CRISPLD2: variants seen among roughly 807,000 people sequenced by gnomAD.
The protein encoded by CRISPLD2 is cysteine rich secretory protein LCCL domain containing 2.
CRISPLD2 carries 47 observed loss-of-function variants against 71.1 expected under a neutral mutation model. The observed-to-expected ratio is 0.66, with a 90% CI of 0.52 to 0.84. The LOEUF is 0.84. Among genes scored for constraint, CRISPLD2 ranks in the 40% least tolerant of loss-of-function variants. The pLI is 0.00. For synonymous variants in CRISPLD2, 317 were observed against 250.1 expected, an observed-to-expected ratio of 1.27 and a Z score of -2.52; for missense variants, 830 against 651.1, an observed-to-expected ratio of 1.27 and a Z score of -2.99.
At chr16:84,854,235 C>T (rs1469254623) in intron 5 of CRISPLD2, among the ~76,000 whole-genome samples, 3 of 152,228 alleles carry the variant, frequency 2.0e-5, no homozygotes, top group African/African-American at 7.2e-5. Context: ...CAGCTCTTCC[C>T]TCCTGGGGTG....
At position 84,850,654 on chromosome 16, in the gene CRISPLD2, G is replaced by C. The variant is rs373699416; in HGVS notation, c.579G>C (p.Ala193=). 1 of 1,614,072 alleles carries C rather than the reference G, an allele frequency of 6.2e-7. No individual in the cohort carries two copies. The highest frequency in any genetic ancestry group is 1.3e-5 in the African/African-American group (1 of 75,020). ...TCTGGGGAGAAGTTTGGGAGAACGC[G>C]GTCTACTTTGTCTGCAATTATTCTC... The part of the protein sequence containing the change: ...MTVWGEVWEN[A]VYFVCNYSPK... Residue 193 remains alanine, a synonymous_variant, in exon 5 of 15, where the codon GCG becomes GCC. Coordinates refer to ENST00000262424, the MANE Select transcript of CRISPLD2 (RefSeq NM_031476.4).
At chr16:84,847,067 G>A (rs1391112383) in intron 3 of CRISPLD2, among the ~76,000 whole-genome samples, 2 of 152,208 alleles carry the variant, frequency 1.3e-5, no homozygotes, top group Non-Finnish European at 2.9e-5. Context: ...CAGAATTCAC[G>A]TCCTCAGACC....
intron 1 of CRISPLD2, among the ~76,000 whole-genome samples, chr16:84,827,663 T>C (rs1916387853): frequency 1.3e-5 from 2 of 151,788 alleles, no homozygotes; most frequent in African/African-American, 4.8e-5. Context: ...ACCTCCCGGA[T>C]TCAAGCGATT....
chr16:84,877,810 A>G (rs1231066877), intron 12 of CRISPLD2, among the ~76,000 whole-genome samples: 1 of 152,138 alleles, frequency 6.6e-6, no homozygotes, highest in African/African-American at 2.4e-5. Context: ...AGATCACGCC[A>G]TTGTCCTCCA....
intron 14 of CRISPLD2, among the ~76,000 whole-genome samples, chr16:84,898,365 C>G (rs888429310): frequency 1.3e-5 from 2 of 152,162 alleles, no homozygotes; most frequent in Admixed American, 6.5e-5. Flanking sequence ...CGGCCCCTGC[C>G]CGCTCCCCCA....
chr16:84,878,531 A>G (rs988493843), intron 12 of CRISPLD2, among the ~76,000 whole-genome samples: 1 of 152,208 alleles, frequency 6.6e-6, no homozygotes, highest in Admixed American at 6.5e-5. Context: ...TCAAATCCTC[A>G]TGCAGCATTC....
intron 10 of CRISPLD2, chr16:84,873,477 C>CAA (rs1188564241): frequency 1.8e-4 from 4 of 22,722 alleles, no homozygotes; most frequent in African/African-American, 2.6e-4. Flanking sequence ...AACTCCGTCT[C>CAA]AAAAAAAAAA....
chr16:84,868,808 C>T, intron 7 of CRISPLD2, 43 bp from the exon 8 acceptor site: 3 of 1,542,474 alleles, frequency 1.9e-6, no homozygotes, highest in Non-Finnish European at 1.8e-6. Flanking sequence ...TCTCACCCTC[C>T]TGGTTTCGTG....
intron 5 of CRISPLD2, 88 bp downstream of exon 5, chr16:84,850,771 C>A (rs949157896): frequency 1.0e-6 from 1 of 990,288 alleles, no homozygotes; most frequent in Non-Finnish European, 1.6e-6. Context: ...GCTTGAGCAG[C>A]GAAGTCTTTA....
chr16:84,828,527 C>T (rs1290184216), intron 1 of CRISPLD2, among the ~76,000 whole-genome samples: 1 of 152,138 alleles, frequency 6.6e-6, no homozygotes, highest in Non-Finnish European at 1.5e-5. Context: ...ATTCCTTTCC[C>T]TTCGGAGAGG....
chr16:84,849,589 A>ATTG (rs71384840), intron 4 of CRISPLD2, 72 bp downstream of exon 4: 1,090,162 of 1,513,112 alleles, frequency 0.72, 398,018 homozygotes, highest in Middle Eastern at 0.77. Context: ...CCCCTGGGGG[A>ATTG]TTGTCAAATC....
At chr16:84,848,366 G>A (rs1464961089) in intron 3 of CRISPLD2, among the ~76,000 whole-genome samples, 2 of 152,088 alleles carry the variant, frequency 1.3e-5, no homozygotes, top group Non-Finnish European at 2.9e-5. Context: ...TTTCCCCCGT[G>A]AGCATTTTCT....
chr16:84,876,379 G>C (rs186118699), intron 11 of CRISPLD2, among the ~76,000 whole-genome samples: 36 of 150,960 alleles, frequency 2.4e-4, no homozygotes, highest in African/African-American at 8.5e-4. Flanking sequence ...GCAGGCACCT[G>C]TAATCTCAGC....
intron 3 of CRISPLD2, among the ~76,000 whole-genome samples, chr16:84,846,748 C>T (rs1445966466): frequency 6.6e-6 from 1 of 152,206 alleles, no homozygotes; most frequent in African/African-American, 2.4e-5. Flanking sequence ...AGCTCACTAA[C>T]TTCTCCAGAC....
At chr16:84,842,063 G>T (rs1236145879) in intron 2 of CRISPLD2, 1 of 152,726 alleles carries the variant, frequency 6.5e-6, no homozygotes, top group Non-Finnish European at 1.5e-5. Context: ...ATTGCCCATG[G>T]GTCAGGGCTA....
chr16:84,899,768 C>T (rs185903310), intron 14 of CRISPLD2, among the ~76,000 whole-genome samples: 5 of 152,252 alleles, frequency 3.3e-5, no homozygotes, highest in East Asian at 1.9e-4. Flanking sequence ...TACATCTGGA[C>T]GGCAGCCTGA....
intron 3 of CRISPLD2, among the ~76,000 whole-genome samples, chr16:84,848,011 A>G (rs1391667722): frequency 6.6e-6 from 1 of 152,118 alleles, no homozygotes; most frequent in Non-Finnish European, 1.5e-5. Flanking sequence ...CATTAGGATT[A>G]CTCCTGAGAA....
rs1171508732 is a variant in CRISPLD2, at chr16:84,838,752, G to T, written c.240+17G>T. On this transcript the variant is annotated intron_variant, in intron 2 of 14. Coordinates refer to ENST00000262424, the MANE Select transcript of CRISPLD2 (RefSeq NM_031476.4). ...GAGTACATGGTGAGCGCCGGCTCCG[G>T]CCGCAGAGGCTGGCACCGGGGGTGG... is the stretch of plus-strand genomic sequence containing the variant. 6.2e-7 allele frequency: 1 copy of T among 1,605,272 alleles called. No individual in the cohort carries two copies. Among genetic ancestry groups the T allele is most frequent in the Admixed American group, 1.7e-5 (1 of 59,272 alleles).
chr16:84,849,365 G>A lies in CRISPLD2; in HGVS notation c.360-20G>A. Reference sequence around the variant, plus strand: ...GTGAGGGGAGGGGCTGGGACTGAGTGAGCGGTTTCTGCCCTGCAGGTATCG... The same window carrying A: ...GTGAGGGGAGGGGCTGGGACTGAGTAAGCGGTTTCTGCCCTGCAGGTATCG... On this transcript the variant is annotated intron_variant, in intron 3 of 14. Transcript: ENST00000262424. 6.2e-7 allele frequency: 1 copy of A among 1,607,086 alleles called. No individual in the cohort carries two copies. The highest frequency in any genetic ancestry group is 8.5e-7 in the Non-Finnish European group (1 of 1,174,664).
Sources: allele counts gnomAD v4.1 joint callset (sites outside exome capture counted in the v4.1 genomes callset), GRCh38; gene constraint gnomAD v4.1.1; transcripts MANE v1.5; gene names NCBI Gene and HGNC (gene_info 2026-07-23, HGNC 2026-07-21).